The following TENT4B variants were observed in gnomAD, a reference collection of about 807,000 sequenced individuals.
TENT4B encodes the protein PAP associated domain containing 5.
TENT4B carries 10 observed loss-of-function variants against 75.0 expected under a neutral mutation model. The ratio of observed to expected loss-of-function variants is 0.13; its 90% CI spans 0.08 to 0.23. The LOEUF (loss-of-function observed/expected upper bound fraction) is 0.23. Among genes scored for constraint, TENT4B ranks in the 10% least tolerant of loss-of-function variants. The probability of loss-of-function intolerance (pLI) is 1.00; values close to 1 mark genes in which losing one functional copy is unlikely to be tolerated. For missense variants in TENT4B, 579 were observed against 893.8 expected (o/e 0.65, Z 4.49); for synonymous variants, 350 against 357.7 (o/e 0.98, Z 0.24).
intron 1 of TENT4B, among the ~76,000 whole-genome samples, chr16:50,189,162 A>G (rs555329777): frequency 3.9e-5 from 6 of 152,210 alleles, no homozygotes; most frequent in African/African-American, 1.4e-4. Context: ...TTTATTCTTA[A>G]TCTTAGAGAT....
intron 1 of TENT4B, among the ~76,000 whole-genome samples, chr16:50,198,988 C>G (rs2030463132): frequency 6.6e-6 from 1 of 152,204 alleles, no homozygotes; most frequent in Non-Finnish European, 1.5e-5. Context: ...TTTAGTGACT[C>G]CAGAGAAAGC....
chr16:50,232,271 C>T lies in TENT4B; in HGVS notation c.*2943C>T, dbSNP rs1275183508. 3 of 985,272 alleles carry T rather than the reference C, an allele frequency of 3.0e-6. No individual in the cohort carries two copies. The highest frequency in any genetic ancestry group is 3.6e-6 in the Non-Finnish European group (3 of 829,918). The allele number at this position is 985,272 out of a possible 1,614,324, so 61.0% of individuals were successfully genotyped here. A position where few individuals can be genotyped will look rare whatever the true frequency, so the allele number is the denominator to read the frequency against. On this transcript the variant is annotated 3_prime_UTR_variant, in exon 12 of 12. Transcript: ENST00000561678. ...TGTCGCACTCAGTTTTCAAATCTAG[C>T]TTGGATCTGTAGGACCTATGTTTTT... is the stretch of plus-strand genomic sequence containing the variant.
intron 4 of TENT4B, among the ~76,000 whole-genome samples, chr16:50,217,146 A>G (rs1302917517): frequency 6.6e-6 from 1 of 152,190 alleles, no homozygotes; most frequent in Non-Finnish European, 1.5e-5. Context: ...GTTTTTGTTC[A>G]TTTTAAAATT....
Position 50,182,891 on chromosome 16 carries a change from C to CTTTTTTTTTTTTTTTTTTTTTT in TENT4B, c.639-28422_639-28401dup, listed in dbSNP as rs869060811. 1.7e-3 allele frequency among the ~76,000 whole-genome samples: 63 copies of CTTTTTTTTTTTTTTTTTTTTTT among 36,470 alleles called. 22 individuals are homozygous for CTTTTTTTTTTTTTTTTTTTTTT. Among genetic ancestry groups the CTTTTTTTTTTTTTTTTTTTTTT allele is most frequent in the South Asian group, 0.01 (5 of 488 alleles). 23.9% of individuals were successfully genotyped at this position (36,470 alleles called of 152,430 possible). ...CCAAGTACAGCAAGTTTTATTTTAC[C>CTTTTTTTTTTTTTTTTTTTTTT]TTTTTTTTTTTTTTTTTTTTTTTTT... On this transcript the variant is annotated intron_variant, in intron 1 of 11. Transcript: ENST00000561678.
chr16:50,153,958 A>T lies in TENT4B; in HGVS notation c.337A>T (p.Asn113Tyr). 6.5e-7 allele frequency: 1 copy of T among 1,533,450 alleles called. No individual in the cohort carries two copies. The highest frequency in any genetic ancestry group is 8.7e-7 in the Non-Finnish European group (1 of 1,145,890). The allele number at this position is 1,533,450 out of a possible 1,614,324, so 95.0% of individuals were successfully genotyped here. A position where few individuals can be genotyped will look rare whatever the true frequency, so the allele number is the denominator to read the frequency against. The change falls in exon 1 of 12, where the codon AAC becomes TAC. Residue 113 changes from asparagine (N) to tyrosine (Y), a missense_variant. By Grantham distance (143) the Asn-to-Tyr change is moderately radical. Coordinates refer to ENST00000561678, the MANE Select transcript of TENT4B (RefSeq NM_001365324.3). ...FLPLETTNNN[N>Y]NHHQPGAWAR... ...GCCCCTAGAGACGACCAACAACAAC[A>T]ACAACCACCACCAGCCCGGGGCCTG...
At chr16:50,168,980 G>A (rs986688486) in intron 1 of TENT4B, among the ~76,000 whole-genome samples, 1 of 152,066 alleles carries the variant, frequency 6.6e-6, no homozygotes, top group African/African-American at 2.4e-5. Context: ...AGTTCTTTGT[G>A]TATCTTTAGA....
In TENT4B at chr16:50,202,161, T is replaced by C. The variant is rs1423448495; in HGVS notation, c.639-9162T>C. Among the ~76,000 whole-genome samples, 4 of 152,334 alleles carry C rather than the reference T, an allele frequency of 2.6e-5. No individual in the cohort carries two copies. In the East Asian group the frequency reaches 5.8e-4, roughly 22 times the overall value. On this transcript the variant is annotated intron_variant, in intron 1 of 11. Transcript: ENST00000561678. ...TAATATAAATTATTTATTGAGCAAATAATCACCACTAGTATGTTTTGGATA... is the reference window on the plus strand; with the variant it reads ...TAATATAAATTATTTATTGAGCAAACAATCACCACTAGTATGTTTTGGATA...
Position 50,223,283 on chromosome 16 carries a change from G to A in TENT4B, c.1277G>A (p.Arg426Gln), listed in dbSNP as rs2150747012. Reference protein sequence around the residue: ...RHFNYLKTGIRIKDGGSYVAK... With the variant: ...RHFNYLKTGIQIKDGGSYVAK... The stretch of plus-strand genomic sequence containing the variant: ...TTCAATTATTTAAAGACTGGCATCC[G>A]GATAAAGGATGGTGGTTCATATGTG... Residue 426 changes from arginine (R) to glutamine (Q), a missense_variant, in exon 7 of 12, where the codon CGG becomes CAG. By Grantham distance (43) the Arg-to-Gln change is conservative. This residue lies in a region of TENT4B where 71 missense variants were observed against 210.6 expected (regional missense o/e 0.34). Transcript: ENST00000561678. 5 of 1,613,494 alleles carry A rather than the reference G, an allele frequency of 3.1e-6. No individual in the cohort carries two copies. The highest frequency in any genetic ancestry group is 3.4e-6 in the Non-Finnish European group (4 of 1,179,574).
intron 10 of TENT4B, among the ~76,000 whole-genome samples, chr16:50,226,325 C>T (rs980778739): frequency 6.6e-6 from 1 of 151,894 alleles, no homozygotes; most frequent in African/African-American, 2.4e-5. Context: ...GTTAGTTTTG[C>T]CTGTTTCAGA....
At chr16:50,183,108 A>G (rs1031447752) in intron 1 of TENT4B, among the ~76,000 whole-genome samples, 4 of 150,290 alleles carry the variant, frequency 2.7e-5, no homozygotes, top group African/African-American at 7.4e-5. Context: ...CAATGGCCCA[A>G]TCTCGACTCA....
At chr16:50,201,403 G>A (rs1442826789) in intron 1 of TENT4B, among the ~76,000 whole-genome samples, 4 of 151,584 alleles carry the variant, frequency 2.6e-5, no homozygotes. Context: ...TGGGCGTGGT[G>A]GCGCATGTCA....
Position 50,225,282 on chromosome 16 carries a change from TGTA to T in TENT4B, c.1800+1_1800+3del. The T allele has an allele frequency of 6.2e-7, 1 of 1,608,268 alleles. No individual in the cohort carries two copies. Among genetic ancestry groups the T allele is most frequent in the Non-Finnish European group, 8.5e-7 (1 of 1,176,520 alleles). On this transcript the variant is annotated inframe_deletion and splice_region_variant, in exon 10 of 12. Transcript: ENST00000561678. The stretch of plus-strand genomic sequence containing the variant: ...CTGCCACACAGTCCAGCTCTAGTGA[TGTA>T]GTAAGTATGAAAGCCTCGGCTCTTC...
rs143122815 is a variant in TENT4B at position 50,220,038 on chromosome 16, G to T, written c.1039-2268G>T. On this transcript the variant is annotated intron_variant, in intron 5 of 11. Transcript: ENST00000561678. The stretch of plus-strand genomic sequence containing the variant: ...GAGTCTCACTCTGTTGCCCAGGCTG[G>T]AGTGCAGTGGCGCGATCTTGGCTCA... Among the ~76,000 whole-genome samples the T allele has an allele frequency of 2.7e-3, 406 of 151,202 alleles. 4 individuals are homozygous for T. The highest frequency in any genetic ancestry group is 9.4e-3 in the African/African-American group (387 of 41,148).
At chr16:50,190,509 A>G (rs900230280) in intron 1 of TENT4B, among the ~76,000 whole-genome samples, 3 of 151,950 alleles carry the variant, frequency 2.0e-5, no homozygotes, top group Admixed American at 6.6e-5. Context: ...AGATTTGCCT[A>G]TTCTGCATAT....
chr16:50,157,024 A>G (rs72798063), intron 1 of TENT4B, among the ~76,000 whole-genome samples: 5,336 of 152,264 alleles, frequency 0.035, 117 homozygotes, highest in Middle Eastern at 0.044. Flanking sequence ...AAAAATCTGA[A>G]TTCAGAGTGC....
rs768564784 is a variant in TENT4B, at chr16:50,229,156, G to T, written c.1970G>T (p.Gly657Val). 3.4e-5 allele frequency: 55 copies of T among 1,613,378 alleles called. No individual in the cohort carries two copies. In the Middle Eastern group the frequency reaches 5.6e-3, roughly 164 times the overall value. ...TSNSTNKSQH[G>V]SARLFRSSSK... The stretch of plus-strand genomic sequence containing the variant: ...GGTCGTTTTCTGTTTCTGCAGCATG[G>T]ATCAGCAAGGCTCTTTCGTTCTTCC... Residue 657 changes from glycine to valine, a missense_variant, in exon 12 of 12, where the codon GGA becomes GTA. Transcript: ENST00000561678.
At position 50,230,863 on chromosome 16, in the gene TENT4B, C is replaced by T. The variant is rs2032271391; in HGVS notation, c.*1535C>T. 1.3e-5 allele frequency: 13 copies of T among 985,494 alleles called. No individual in the cohort carries two copies. The highest frequency in any genetic ancestry group is 1.6e-5 in the Non-Finnish European group (13 of 829,720). The allele number at this position is 985,494 out of a possible 1,614,324, so 61.0% of individuals were successfully genotyped here. ...TCAGGGTGAAAGCTCTTATGTTTAG[C>T]ATCAATGTGTATGGCTCTGTTAAAT... On this transcript the variant is annotated 3_prime_UTR_variant, in exon 12 of 12. Transcript: ENST00000561678.
chr16:50,165,207 TC>T (rs2038076903), intron 1 of TENT4B, among the ~76,000 whole-genome samples: 1 of 152,044 alleles, frequency 6.6e-6, no homozygotes, highest in Non-Finnish European at 1.5e-5. Flanking sequence ...TTTTCTTTTG[TC>T]TTTTTTTGGT....
intron 1 of TENT4B, among the ~76,000 whole-genome samples, chr16:50,195,001 G>A (rs1011491472): frequency 2.6e-5 from 4 of 151,794 alleles, no homozygotes; most frequent in South Asian, 4.2e-4. Flanking sequence ...CGCCTGCCTC[G>A]GCCTCCCAAA....
Sources: allele counts gnomAD v4.1 joint callset (sites outside exome capture counted in the v4.1 genomes callset), GRCh38; gene constraint gnomAD v4.1.1; regional missense constraint gnomAD v4.1.1; transcripts MANE v1.5; gene names NCBI Gene and HGNC (gene_info 2026-07-23, HGNC 2026-07-21).